The following ACD variants were observed in gnomAD, a reference collection of about 807,000 sequenced individuals.
The protein encoded by ACD is ACD shelterin complex subunit and telomerase recruitment factor.
A neutral mutation model predicts 53.9 loss-of-function variants in ACD; 39 were observed. The ratio of observed to expected loss-of-function variants is 0.72; its 90% CI spans 0.56 to 0.95. ACD has a LOEUF of 0.95. ACD is among the 40% of genes least tolerant of loss of function. The pLI, the probability that ACD is intolerant of heterozygous loss-of-function variation, is 0.00. For synonymous variants in ACD, 273 were observed against 249.2 expected (o/e 1.10, Z -0.90); for missense variants, 526 against 587.9 (o/e 0.89, Z 1.09).
intron 6 of ACD, 56 bp from the exon 7 acceptor site, chr16:67,659,135 T>G (rs1597771750): frequency 6.2e-7 from 1 of 1,606,720 alleles, no homozygotes; most frequent in Non-Finnish European, 8.5e-7. Flanking sequence ...ACCAGGAGGG[T>G]GAGGGGGAAG....
rs1329348299 is a variant in ACD at position 67,659,965 on chromosome 16, C to A, written c.180G>T (p.Val60=). ...ATCGGACACTGTGGGTCCCGTCAGACACAAGCAGCGTGGCCCCGACGTCGG... is the reference window on the plus strand; with the variant it reads ...ATCGGACACTGTGGGTCCCGTCAGAAACAAGCAGCGTGGCCCCGACGTCGG... The part of the protein sequence containing the change: ...DTSDVGATLL[V]SDGTHSVRCL... The change falls in exon 2 of 12, where the codon GTG becomes GTT. Residue 60 remains valine, a synonymous_variant. Transcript: ENST00000620761. The A allele has an allele frequency of 6.2e-7, 1 of 1,608,792 alleles. No homozygotes were observed. Among genetic ancestry groups the A allele is most frequent in the East Asian group, 2.2e-5 (1 of 44,840 alleles).
Position 67,660,007 on chromosome 16 carries a change from G to A in ACD, c.138C>T (p.Ser46=), listed in dbSNP as rs1163878139. ...QDAEAAVAGP[S]HAPDTSDVGA... ...CGACGTCGGACGTATCAGGGGCGTGGGATGGGCCCGCGACCGCGGCCTCGG... is the reference window on the plus strand; with the variant it reads ...CGACGTCGGACGTATCAGGGGCGTGAGATGGGCCCGCGACCGCGGCCTCGG... The change falls in exon 2 of 12, where the codon TCC becomes TCT. Residue 46 remains serine, a synonymous_variant. Transcript: ENST00000620761. 2 of 1,607,554 alleles carry A rather than the reference G, an allele frequency of 1.2e-6. No individual in the cohort carries two copies. Among genetic ancestry groups the A allele is most frequent in the Non-Finnish European group, 8.5e-7 (1 of 1,177,952 alleles).
chr16:67,657,990 A>T lies in ACD; in HGVS notation c.1202T>A (p.Val401Asp). The change falls in exon 10 of 12, where the codon GTC becomes GAC. Residue 401 changes from valine (V) to aspartate (D), a missense_variant. Coordinates refer to ENST00000620761, the MANE Select transcript of ACD (RefSeq NM_001082486.2). The surrounding 1 kb of genome is among the most constrained non-coding windows in gnomAD (Gnocchi z 4.5). ...CTGCAGAGGGGCTATGCTCACCCAG[A>T]CAGAGCAGGGCTCCTGGGCTCCCCT... ...ATRGAQEPCS[V>D]WEPPKRHRDG... is the part of the protein sequence containing the mutation. The T allele has an allele frequency of 6.4e-7, 1 of 1,569,178 alleles. No homozygotes were observed. The highest frequency in any genetic ancestry group is 1.2e-5 in the South Asian group (1 of 83,368).
In ACD at chr16:67,657,923, C is replaced by T; in HGVS notation, c.1206+63G>A. 2.5e-6 allele frequency: 4 copies of T among 1,609,916 alleles called. No individual in the cohort carries two copies. The highest frequency in any genetic ancestry group is 3.4e-6 in the Non-Finnish European group (4 of 1,177,420). On this transcript the variant is annotated intron_variant, in intron 10 of 11. Transcript: ENST00000620761. This position sits in a 1 kb window ranked among gnomAD's most constrained non-coding sequence, Gnocchi z 4.5. ...ACCCCATCCAAGGCTACCCATGCTC[C>T]CTCCCAGCTCTACCTCAGGCCTTCC... is the stretch of plus-strand genomic sequence containing the variant.
chr16:67,657,834 C>T lies in ACD; in HGVS notation c.1226G>A (p.Arg409His), dbSNP rs374742891. The T allele has an allele frequency of 1.4e-5, 23 of 1,613,978 alleles. No homozygotes were observed. Among genetic ancestry groups the T allele is most frequent in the African/African-American group, 1.2e-4 (9 of 74,920 alleles). ...CTCATACTGGAAGGCAGAACCATCACGATGCCTCTTTGGGGGTTCCTGAAA... is the reference window on the plus strand; with the variant it reads ...CTCATACTGGAAGGCAGAACCATCATGATGCCTCTTTGGGGGTTCCTGAAA... ...CSVWEPPKRH[R>H]DGSAFQYEYE... The change falls in exon 11 of 12, where the codon CGT (arginine) becomes CAT (histidine). Residue 409 changes from arginine (R) to histidine (H), a missense_variant. Coordinates refer to ENST00000620761, the MANE Select transcript of ACD (RefSeq NM_001082486.2). The surrounding 1 kb of genome is among the most constrained non-coding windows in gnomAD (Gnocchi z 4.5).
In ACD at chr16:67,659,275, G is replaced by A; in HGVS notation, c.459-12C>T. 6.2e-7 allele frequency: 1 copy of A among 1,614,166 alleles called. No individual in the cohort carries two copies. Among genetic ancestry groups the A allele is most frequent in the East Asian group, 2.2e-5 (1 of 44,888 alleles). ...CTGAAAGGTGCTCCCTACAGGAAGA[G>A]AGTGGCCAGGACTCAGGAACCATGC... On this transcript the variant is annotated splice_polypyrimidine_tract_variant and intron_variant, in intron 5 of 11. Transcript: ENST00000620761.
chr16:67,658,377 A>T lies in ACD; in HGVS notation c.830-15T>A. On this transcript the variant is annotated splice_polypyrimidine_tract_variant and intron_variant, in intron 9 of 11. Coordinates refer to ENST00000620761, the MANE Select transcript of ACD (RefSeq NM_001082486.2). ...GGCCGGGGTTCCTGAGGAGGAGGGG[A>T]CTTATTGTAGGCACAGCCCTCTCCG... 1 of 1,613,098 alleles carries T rather than the reference A, an allele frequency of 6.2e-7. No individual in the cohort carries two copies. Among genetic ancestry groups the T allele is most frequent in the Non-Finnish European group, 8.5e-7 (1 of 1,179,836 alleles).
intron 9 of ACD, 46 bp downstream of exon 9, chr16:67,658,509 G>T: frequency 6.4e-7 from 1 of 1,570,108 alleles, no homozygotes; most frequent in South Asian, 1.2e-5. Flanking sequence ...CCGGGAACCT[G>T]ACTGACAGGC....
chr16:67,658,249 G>A lies in ACD; in HGVS notation c.943C>T (p.Pro315Ser). Reference protein sequence around the residue: ...PDPGQRSSSQPSPAICSAPAT... With the variant: ...PDPGQRSSSQSSPAICSAPAT... ...GGGGCTGAGCAGATGGCTGGTGAGG[G>A]CTGGGAGCTGCTTCTCTGCCCTGGG... Residue 315 changes from proline to serine, a missense_variant, in exon 10 of 12, where the codon CCC (proline) becomes TCC (serine). Pro to Ser is a moderately conservative substitution (Grantham distance 74, BLOSUM62 -1). Transcript: ENST00000620761. The A allele has an allele frequency of 1.2e-6, 2 of 1,613,506 alleles. No homozygotes were observed. Among genetic ancestry groups the A allele is most frequent in the Non-Finnish European group, 8.5e-7 (1 of 1,180,006 alleles).
chr16:67,660,050 C>T lies in ACD; in HGVS notation c.100-5G>A, dbSNP rs1250916977. The T allele has an allele frequency of 1.2e-6, 2 of 1,607,564 alleles. No individual in the cohort carries two copies. Among genetic ancestry groups the T allele is most frequent in the Non-Finnish European group, 1.7e-6 (2 of 1,177,472 alleles). On this transcript the variant is annotated splice_region_variant and splice_polypyrimidine_tract_variant and intron_variant, in intron 1 of 11. Coordinates refer to ENST00000620761, the MANE Select transcript of ACD (RefSeq NM_001082486.2). ...GGCCTCGGCGTCCTGTAGTACCTGA[C>T]GGCGGCGAGCGGCGTCAATCCCACC...
In ACD at chr16:67,658,727, C is replaced by T. The variant is rs1344311990; in HGVS notation, c.735G>A (p.Arg245=). The T allele has an allele frequency of 1.9e-6, 3 of 1,611,704 alleles. No individual in the cohort carries two copies. The highest frequency in any genetic ancestry group is 1.1e-5 in the South Asian group (1 of 90,760). The part of the protein sequence containing the change: ...LILSSLGPCQ[R]TQGPELPPPD... ...CTCTCCAGTCCCCCTTACCCTGTGT[C>T]CTCTGACAGGGGCCTAGAGAGCTCA... The change falls in exon 8 of 12, where the codon AGG becomes AGA. Residue 245 remains arginine (R), a synonymous_variant. Coordinates refer to ENST00000620761, the MANE Select transcript of ACD (RefSeq NM_001082486.2).
At position 67,658,029 on chromosome 16, in the gene ACD, C is replaced by T. The variant is rs777932413; in HGVS notation, c.1163G>A (p.Arg388Lys). The T allele has an allele frequency of 1.3e-6, 2 of 1,547,808 alleles. No individual in the cohort carries two copies. Among genetic ancestry groups the T allele is most frequent in the Non-Finnish European group, 1.7e-6 (2 of 1,148,318 alleles). The change falls in exon 10 of 12, where the codon AGG becomes AAG. Residue 388 changes from arginine to lysine, a missense_variant. Coordinates refer to ENST00000620761, the MANE Select transcript of ACD (RefSeq NM_001082486.2). ...CTGGGCTCCCCTGGTAGCTCCGGTC[C>T]TGGGAAAAGGCGGCCGATTCTTGCA... The part of the protein sequence containing the change: ...LPCKNRPPFP[R>K]TGATRGAQEP...
At chr16:67,659,818 T>A (rs768738227) in intron 2 of ACD, 23 bp from the exon 3 acceptor site, 1 of 1,595,350 alleles carries the variant, frequency 6.3e-7, no homozygotes, top group East Asian at 2.2e-5. Context: ...GGATCCTCAC[T>A]GCCGGGCCCA....
chr16:67,659,895 C>A lies in ACD; in HGVS notation c.242+8G>T. The A allele has an allele frequency of 1.3e-6, 2 of 1,585,854 alleles. No homozygotes were observed. The highest frequency in any genetic ancestry group is 1.1e-5 in the South Asian group (1 of 88,538). On this transcript the variant is annotated splice_region_variant and intron_variant, in intron 2 of 11. Transcript: ENST00000620761. The stretch of plus-strand genomic sequence containing the variant: ...CTCCGACCTCCAGAGCCGCGCGGGG[C>A]CTCTCACCAGTCCGAGGTGTCCAGG...
intron 7 of ACD, 55 bp downstream of exon 7, chr16:67,658,873 T>C (rs1028518673): frequency 2.5e-6 from 4 of 1,604,890 alleles, no homozygotes; most frequent in Non-Finnish European, 3.4e-6. Context: ...CTGTGGGATA[T>C]GACCCTTGCC....
In ACD at chr16:67,658,923, C is replaced by T. The variant is rs1167273569; in HGVS notation, c.645+5G>A. 1 of 1,613,226 alleles carries T rather than the reference C, an allele frequency of 6.2e-7. No individual in the cohort carries two copies. The highest frequency in any genetic ancestry group is 1.1e-5 in the South Asian group (1 of 91,044). On this transcript the variant is annotated splice_donor_5th_base_variant and intron_variant, in intron 7 of 11. Transcript: ENST00000620761. ...GACATCTCCCAAGCAAATCCCCAGA[C>T]TGACCGTGGCCTTGCATCGTGAGGC...
chr16:67,659,892 GGGCCTCTCACCA>G lies in ACD; in HGVS notation c.241_242+10del. 6.3e-7 allele frequency: 1 copy of G among 1,583,708 alleles called. No individual in the cohort carries two copies. The highest frequency in any genetic ancestry group is 8.6e-7 in the Non-Finnish European group (1 of 1,163,196). ...GGACTCCGACCTCCAGAGCCGCGCG[GGGCCTCTCACCA>G]GTCCGAGGTGTCCAGGGCCTCCCGC... On this transcript the variant is annotated splice_donor_variant and splice_donor_5th_base_variant and coding_sequence_variant and intron_variant, in exon 2 of 12. Transcript: ENST00000620761. LOFTEE classifies it high-confidence loss of function.
rs773774371 is a variant in ACD at position 67,658,298 on chromosome 16, A to G, written c.894T>C (p.Pro298=). 1 of 1,613,894 alleles carries G rather than the reference A, an allele frequency of 6.2e-7. No homozygotes were observed. Among genetic ancestry groups the G allele is most frequent in the Admixed American group, 1.7e-5 (1 of 60,026 alleles). ...GGTCTGGAGCAGCCAAGGACAGGGC[A>G]GGCAGAAGGCTGATGCTGGTACCAC... ...EESGTSISLL[P]ALSLAAPDPG... The change falls in exon 10 of 12, where the codon CCT becomes CCC. Residue 298 remains proline, a synonymous_variant. Coordinates refer to ENST00000620761, the MANE Select transcript of ACD (RefSeq NM_001082486.2).
chr16:67,658,400 C>T, intron 9 of ACD, 38 bp from the exon 10 acceptor site: 1 of 1,612,582 alleles, frequency 6.2e-7, no homozygotes, highest in Non-Finnish European at 8.5e-7. Flanking sequence ...ACAGCCCTCT[C>T]CGCTCAGGGC....
Sources: gnomAD v4.1 joint callset for allele counts on GRCh38, gnomAD v4.1.1 for gene constraint, Gnocchi (gnomAD v3.1) non-coding constraint, MANE v1.5 for transcripts, NCBI Gene and HGNC (gene_info 2026-07-23, HGNC 2026-07-21) for gene names.